Variants in TRDN observed in about 807,000 individuals in gnomAD.
TRDN encodes triadin in skeletal muscle.
TRDN carries 161 observed loss-of-function variants against 149.7 expected under a neutral mutation model. The ratio of observed to expected loss-of-function variants is 1.08; its 90% CI spans 0.95 to 1.23. The LOEUF (loss-of-function observed/expected upper bound fraction) is 1.23, where lower values mean the gene tolerates loss of function less well. Among genes scored for constraint, TRDN ranks in the 50% most tolerant of loss-of-function variants. The pLI is 0.00. For synonymous variants in TRDN, 294 were observed against 250.5 expected, an observed-to-expected ratio of 1.17 and a Z score of -1.64; for missense variants, 896 against 823.5, an observed-to-expected ratio of 1.09 and a Z score of -1.08.
chr6:123,555,467 C>A (rs1781600032), intron 2 of TRDN, among the ~76,000 whole-genome samples: 2 of 151,992 alleles, frequency 1.3e-5, no homozygotes, highest in South Asian at 2.1e-4. Flanking sequence ...GAGTTTATAT[C>A]CTGCCAGTGG....
At position 123,442,885 on chromosome 6, in the gene TRDN, C is replaced by G. The variant is rs1321789801; in HGVS notation, c.932-3882G>C. Among the ~76,000 whole-genome samples, 2 of 152,050 alleles carry G rather than the reference C, an allele frequency of 1.3e-5. 1 individual carries two copies. Among genetic ancestry groups the G allele is most frequent in the Middle Eastern group, 6.3e-3 (2 of 316 alleles). ...GAAACATGTTATGAAGGGTACTGTA[C>G]TGCAATGAAGTGGATTCAAGTCTCA... On this transcript the variant is annotated intron_variant, in intron 10 of 40. Transcript: ENST00000334268.
chr6:123,466,802 G>A (rs1297066656), intron 9 of TRDN, among the ~76,000 whole-genome samples: 1 of 151,932 alleles, frequency 6.6e-6, no homozygotes, highest in Non-Finnish European at 1.5e-5. Context: ...TACATCAATT[G>A]TTTCTAAATA....
At position 123,228,417 on chromosome 6, in the gene TRDN, C is replaced by T. The variant is rs183627544; in HGVS notation, c.1976-4286G>A. Among the ~76,000 whole-genome samples the T allele has an allele frequency of 5.4e-3, 824 of 151,998 alleles. 14 individuals are homozygous for T. The highest frequency in any genetic ancestry group is 0.033 in the Admixed American group (503 of 15,246). ...TTAATTGACTCACATTTCAGCCTGG[C>T]TGAAGAGGCCTCAGGAAACTTACAT... On this transcript the variant is annotated intron_variant, in intron 38 of 40. Transcript: ENST00000334268.
intron 19 of TRDN, among the ~76,000 whole-genome samples, chr6:123,371,905 C>T (rs934895123): frequency 2.6e-5 from 4 of 152,016 alleles, no homozygotes; most frequent in Admixed American, 2.6e-4. Context: ...TCTGGCAGCA[C>T]CAGCTGTGAT....
chr6:123,514,429 C>G (rs1383697695), intron 6 of TRDN, among the ~76,000 whole-genome samples: 1 of 152,006 alleles, frequency 6.6e-6, no homozygotes, highest in Non-Finnish European at 1.5e-5. Flanking sequence ...AATGAAGATT[C>G]AAAGCCAGAA....
At chr6:123,478,308 G>A (rs77922941) in intron 9 of TRDN, among the ~76,000 whole-genome samples, 1 of 152,056 alleles carries the variant, frequency 6.6e-6, no homozygotes, top group Non-Finnish European at 1.5e-5. Context: ...GACGTTGAAT[G>A]GACTTGATAT....
chr6:123,423,113 T>G (rs1583000757), intron 12 of TRDN, among the ~76,000 whole-genome samples: 1 of 152,278 alleles, frequency 6.6e-6, no homozygotes, highest in East Asian at 1.9e-4. Flanking sequence ...AATAAACATG[T>G]TGTTAATTTT....
intron 7 of TRDN, chr6:123,509,987 G>T (rs1226538242): frequency 6.6e-6 from 1 of 151,892 alleles, no homozygotes; most frequent in Non-Finnish European, 1.5e-5. Flanking sequence ...GTTAAACGAG[G>T]TAATTAATTT....
At chr6:123,246,122 A>T (rs1776166832) in intron 38 of TRDN, among the ~76,000 whole-genome samples, 1 of 152,104 alleles carries the variant, frequency 6.6e-6, no homozygotes, top group Non-Finnish European at 1.5e-5. Flanking sequence ...CTAAATGCCC[A>T]CATGAGAAAG....
intron 38 of TRDN, among the ~76,000 whole-genome samples, chr6:123,246,985 G>T (rs2114558282): frequency 6.6e-6 from 1 of 152,276 alleles, no homozygotes; most frequent in African/African-American, 2.4e-5. Flanking sequence ...CACATAAACA[G>T]AATCAATGAC....
At chr6:123,501,027 A>T (rs1409564034) in intron 8 of TRDN, among the ~76,000 whole-genome samples, 3 of 151,938 alleles carry the variant, frequency 2.0e-5, no homozygotes, top group Non-Finnish European at 4.4e-5. Flanking sequence ...AAACAGATTT[A>T]GATGGGTTCA....
chr6:123,437,076 GA>G (rs1361502764), intron 12 of TRDN, among the ~76,000 whole-genome samples: 24 of 151,984 alleles, frequency 1.6e-4, no homozygotes, highest in African/African-American at 5.8e-4. Context: ...GTTTGAACAA[GA>G]ATAGAAACAG....
chr6:123,583,831 T>C, intron 1 of TRDN: 1 of 175,886 alleles, frequency 5.7e-6, no homozygotes, highest in Non-Finnish European at 1.2e-5. Flanking sequence ...TGGGGCCAAA[T>C]CCTCAAGCTT....
At chr6:123,601,400 C>T (rs551262471) in intron 1 of TRDN, among the ~76,000 whole-genome samples, 1 of 151,972 alleles carries the variant, frequency 6.6e-6, no homozygotes, top group Admixed American at 6.6e-5. Context: ...GTATGCATAC[C>T]CATAGGATTT....
At chr6:123,404,018 G>T (rs1272339857) in intron 12 of TRDN, among the ~76,000 whole-genome samples, 1 of 152,060 alleles carries the variant, frequency 6.6e-6, no homozygotes, top group East Asian at 1.9e-4. Flanking sequence ...ATATATTAAG[G>T]TTATAGGGCA....
chr6:123,425,675 A>G (rs1562307150), intron 12 of TRDN, among the ~76,000 whole-genome samples: 1 of 152,006 alleles, frequency 6.6e-6, no homozygotes, highest in Non-Finnish European at 1.5e-5. Context: ...GAAGGAGTTC[A>G]CCTTTGGACA....
chr6:123,585,204 A>C (rs954466276), intron 1 of TRDN, among the ~76,000 whole-genome samples: 48 of 150,348 alleles, frequency 3.2e-4, no homozygotes, highest in African/African-American at 1.2e-3. Flanking sequence ...GGCAGCAATG[A>C]GATGTAGCTG....
At chr6:123,596,358 A>G (rs35082112) in intron 1 of TRDN, among the ~76,000 whole-genome samples, 4,812 of 152,208 alleles carry the variant, frequency 0.032, 112 homozygotes, top group Non-Finnish European at 0.052. Context: ...GAAATAAGCC[A>G]TCTCCATAAG....
chr6:123,570,960 G>A lies in TRDN; in HGVS notation c.195C>T (p.Ile65=), dbSNP rs1415673148. 9 of 1,613,872 alleles carry A rather than the reference G, an allele frequency of 5.6e-6. No individual in the cohort carries two copies. Among genetic ancestry groups the A allele is most frequent in the Non-Finnish European group, 6.8e-6 (8 of 1,179,842 alleles). The change falls in exon 2 of 41, where the codon ATC becomes ATT. Residue 65 remains isoleucine (I), a synonymous_variant. Coordinates refer to ENST00000334268, the MANE Select transcript of TRDN (RefSeq NM_006073.4). The part of the protein sequence containing the change: ...ALIITWSAVA[I]VMFDLVDYKN... ...TGTAATCCACTAAATCAAACATAAC[G>A]ATGGCAACAGCTGACCACGTGATTA...
Sources: allele counts gnomAD v4.1 joint callset (sites outside exome capture counted in the v4.1 genomes callset), GRCh38; gene constraint gnomAD v4.1.1; transcripts MANE v1.5; gene names NCBI Gene and HGNC (gene_info 2026-07-23, HGNC 2026-07-21).